The following UBTD1 variants were observed in gnomAD, a reference collection of about 807,000 sequenced individuals.
UBTD1 encodes ubiquitin domain containing 1, also known as ubiquitin domain-containing protein 1.
A neutral mutation model predicts 21.7 loss-of-function variants in UBTD1; 19 were observed. That is an observed-to-expected ratio of 0.87 (90% CI 0.61 to 1.28). UBTD1 has a LOEUF of 1.28. UBTD1 is among the 50% of genes most tolerant of loss of function. UBTD1 has a pLI of 0.00. For synonymous variants in UBTD1, 116 were observed against 135.1 expected (o/e 0.86, Z 0.98); for missense variants, 282 against 315.1 (o/e 0.89, Z 0.80).
chr10:97,503,232 G>A (rs1304209981), intron 1 of UBTD1, among the ~76,000 whole-genome samples: 1 of 152,096 alleles, frequency 6.6e-6, no homozygotes, highest in East Asian at 1.9e-4. Context: ...ATTTTTTTTG[G>A]ATTGTTACTC....
chr10:97,535,846 T>C (rs1227137694), intron 1 of UBTD1, among the ~76,000 whole-genome samples: 4 of 151,740 alleles, frequency 2.6e-5, no homozygotes. Context: ...TGATGCCAAG[T>C]GTTCAAGGCT....
chr10:97,518,422 C>T (rs10882949), intron 1 of UBTD1, among the ~76,000 whole-genome samples: 78,868 of 152,108 alleles, frequency 0.52, 21,844 homozygotes, highest in East Asian at 0.86. Flanking sequence ...TCATGCCTAC[C>T]GGCCCGAGGC....
At chr10:97,536,284 AC>A (rs1405298324) in intron 1 of UBTD1, among the ~76,000 whole-genome samples, 1 of 151,976 alleles carries the variant, frequency 6.6e-6, no homozygotes, top group Non-Finnish European at 1.5e-5. Flanking sequence ...GAGCCACCAC[AC>A]CCGGCCAGGA....
intron 1 of UBTD1, among the ~76,000 whole-genome samples, chr10:97,546,075 A>G (rs2040609477): frequency 6.6e-6 from 1 of 152,076 alleles, no homozygotes; most frequent in Admixed American, 6.6e-5. Context: ...GTGAGCCACC[A>G]CACCCAGCCA....
intron 1 of UBTD1, among the ~76,000 whole-genome samples, chr10:97,548,211 C>T (rs2040620198): frequency 6.6e-6 from 1 of 152,202 alleles, no homozygotes; most frequent in South Asian, 2.1e-4. Flanking sequence ...TCTTTTTACA[C>T]ATACATAATT....
At chr10:97,529,742 AGGGAGAGGGAGACCGTG>A (rs398046190) in intron 1 of UBTD1, among the ~76,000 whole-genome samples, 31 of 53,168 alleles carry the variant, frequency 5.8e-4, no homozygotes, top group East Asian at 3.4e-3. Context: ...GTGGAAAGAG[AGGGAGAGGGAGACCGTG>A]GGGAGAGGGA....
At chr10:97,547,520 C>T (rs2040616691) in intron 1 of UBTD1, among the ~76,000 whole-genome samples, 1 of 152,190 alleles carries the variant, frequency 6.6e-6, no homozygotes, top group Non-Finnish European at 1.5e-5. Flanking sequence ...CGTTCTGCTG[C>T]ACCGCGAAAT....
At chr10:97,504,824 A>G (rs534546517) in intron 1 of UBTD1, among the ~76,000 whole-genome samples, 1 of 152,300 alleles carries the variant, frequency 6.6e-6, no homozygotes, top group East Asian at 1.9e-4. Context: ...GCAACCTCAG[A>G]GTGGTGTTCT....
chr10:97,517,827 G>C (rs2040451181), intron 1 of UBTD1, among the ~76,000 whole-genome samples: 1 of 152,102 alleles, frequency 6.6e-6, no homozygotes. Context: ...CATAGGCCTA[G>C]GATCCCTTCA....
Position 97,570,045 on chromosome 10 carries a change from A to C in UBTD1, c.299-93A>C. The C allele has an allele frequency of 1.0e-5, 15 of 1,486,764 alleles. No homozygotes were observed. Among genetic ancestry groups the C allele is most frequent in the Non-Finnish European group, 1.4e-5 (15 of 1,110,118 alleles). 92.1% of individuals were successfully genotyped at this position (1,486,764 alleles called of 1,614,324 possible). ...TCCAAATACAGTCACATTGGGGGTT[A>C]GAGTTTCACCATATGAATTTGGGGG... On this transcript the variant is annotated intron_variant, in intron 2 of 2. Transcript: ENST00000370664. The surrounding 1 kb of genome is among the most constrained non-coding windows in gnomAD (Gnocchi z 6.6).
At chr10:97,509,465 G>C (rs533304800) in intron 1 of UBTD1, among the ~76,000 whole-genome samples, 67 of 152,264 alleles carry the variant, frequency 4.4e-4, no homozygotes, top group Non-Finnish European at 1.0e-4. Context: ...TGCTTAGATG[G>C]GGAACAACGC....
At chr10:97,528,295 C>A (rs1186321694) in intron 1 of UBTD1, among the ~76,000 whole-genome samples, 4 of 130,952 alleles carry the variant, frequency 3.1e-5, no homozygotes, top group South Asian at 2.5e-4. Flanking sequence ...GCTGGCCGGG[C>A]AGGGGGCTGA....
At chr10:97,540,563 T>C (rs964701795) in intron 1 of UBTD1, among the ~76,000 whole-genome samples, 2 of 152,272 alleles carry the variant, frequency 1.3e-5, no homozygotes, top group Non-Finnish European at 2.9e-5. Context: ...CTTATTACCG[T>C]AGTGCTTGTG....
intron 1 of UBTD1, among the ~76,000 whole-genome samples, chr10:97,536,707 G>T (rs1257827858): frequency 6.6e-6 from 1 of 152,132 alleles, no homozygotes; most frequent in Admixed American, 6.5e-5. Context: ...AGATGCTTCT[G>T]TACCTTCTAC....
intron 1 of UBTD1, among the ~76,000 whole-genome samples, chr10:97,530,957 G>A (rs1481179184): frequency 2.0e-5 from 3 of 151,588 alleles, no homozygotes; most frequent in Non-Finnish European, 2.9e-5. Flanking sequence ...GCGCGATCTC[G>A]GCTCATTAAA....
chr10:97,505,539 C>A (rs1287488175), intron 1 of UBTD1, among the ~76,000 whole-genome samples: 1 of 152,196 alleles, frequency 6.6e-6, no homozygotes, highest in Non-Finnish European at 1.5e-5. Context: ...ATAAAATAAG[C>A]TAATGGTGGT....
At chr10:97,533,775 T>C (rs2040545272) in intron 1 of UBTD1, among the ~76,000 whole-genome samples, 1 of 151,874 alleles carries the variant, frequency 6.6e-6, no homozygotes, top group African/African-American at 2.4e-5. Context: ...ATACGAAAAT[T>C]AGCTGGGTGT....
intron 1 of UBTD1, among the ~76,000 whole-genome samples, chr10:97,505,994 T>C (rs903056077): frequency 6.6e-6 from 1 of 152,246 alleles, no homozygotes; most frequent in African/African-American, 2.4e-5. Context: ...AAAATATTAA[T>C]ATACAGCTCA....
chr10:97,518,786 C>T lies in UBTD1; in HGVS notation c.70+19513C>T, dbSNP rs181113132. 3.9e-5 allele frequency among the ~76,000 whole-genome samples: 6 copies of T among 152,312 alleles called. 1 individual carries two copies. The South Asian group carries it at 6.2e-4, about 16-fold the overall frequency. On this transcript the variant is annotated intron_variant, in intron 1 of 2. Transcript: ENST00000370664. ...CCCTTCCAGCTGCCTGAATTCCTCT[C>T]GGGAAACAAGGAGAGAAATAAGCAC...
Sources: gnomAD v4.1 joint callset for allele counts (sites outside exome capture counted in the v4.1 genomes callset) on GRCh38, gnomAD v4.1.1 for gene constraint, Gnocchi (gnomAD v3.1) non-coding constraint, MANE v1.5 for transcripts, NCBI Gene and HGNC (gene_info 2026-07-23, HGNC 2026-07-21) for gene names.